Variants in THSD7B observed in about 807,000 individuals in gnomAD.
THSD7B encodes the protein thrombospondin type-1 domain-containing protein 7B.
THSD7B carries 138 observed loss-of-function variants against 213.6 expected under a neutral mutation model. The observed-to-expected ratio is 0.65, with a 90% CI of 0.56 to 0.74. THSD7B has a LOEUF of 0.74. THSD7B is among the 30% of genes least tolerant of loss of function. The pLI is 0.00. For missense variants in THSD7B, 1,931 were observed against 1,991.5 expected, an observed-to-expected ratio of 0.97 and a Z score of 0.58; for synonymous variants, 742 against 687.0, an observed-to-expected ratio of 1.08 and a Z score of -1.25.
At chr2:137,211,218 A>G (rs1371778722) in intron 7 of THSD7B, among the ~76,000 whole-genome samples, 1 of 151,776 alleles carries the variant, frequency 6.6e-6, no homozygotes, top group African/African-American at 2.4e-5. Flanking sequence ...AGTAATTTAT[A>G]GTTTAACTGT....
chr2:136,975,393 C>A (rs1685464576), intron 2 of THSD7B, among the ~76,000 whole-genome samples: 1 of 152,114 alleles, frequency 6.6e-6, no homozygotes. Context: ...TGGTTTCAAT[C>A]TTCTGCATAG....
intron 2 of THSD7B, among the ~76,000 whole-genome samples, chr2:136,889,894 CT>C (rs1304059986): frequency 1.3e-5 from 2 of 152,152 alleles, no homozygotes; most frequent in Non-Finnish European, 2.9e-5. Flanking sequence ...TTTTCCAGAA[CT>C]GCTAAACGCA....
intron 15 of THSD7B, among the ~76,000 whole-genome samples, chr2:137,456,647 G>A (rs1022539936): frequency 4.6e-5 from 7 of 152,238 alleles, no homozygotes; most frequent in East Asian, 1.9e-4. Context: ...AGCCCAAACC[G>A]ATCCATGATT....
intron 7 of THSD7B, among the ~76,000 whole-genome samples, chr2:137,176,847 C>T (rs1680367075): frequency 6.6e-6 from 1 of 152,154 alleles, no homozygotes; most frequent in African/African-American, 2.4e-5. Flanking sequence ...TACTCTTTAC[C>T]AGGCTCCTCC....
At chr2:137,347,268 G>C (rs1197660425) in intron 12 of THSD7B, among the ~76,000 whole-genome samples, 3 of 151,702 alleles carry the variant, frequency 2.0e-5, no homozygotes, top group African/African-American at 7.2e-5. Context: ...GGTTGATATA[G>C]ACAAGCTAAT....
intron 12 of THSD7B, among the ~76,000 whole-genome samples, chr2:137,298,845 C>T (rs1053726219): frequency 2.6e-5 from 4 of 152,200 alleles, no homozygotes; most frequent in South Asian, 2.1e-4. Context: ...ACTGGATGCC[C>T]AGGCAGAAGT....
At chr2:136,816,468 G>C (rs1573651727) in intron 1 of THSD7B, among the ~76,000 whole-genome samples, 1 of 152,056 alleles carries the variant, frequency 6.6e-6, no homozygotes, top group Non-Finnish European at 1.5e-5. Context: ...GATTTTAATA[G>C]CTGCATAGGG....
chr2:137,312,825 G>A (rs1683955089), intron 12 of THSD7B, among the ~76,000 whole-genome samples: 1 of 151,840 alleles, frequency 6.6e-6, no homozygotes, highest in Admixed American at 6.6e-5. Flanking sequence ...TTTTGAGTGA[G>A]ATTCTTAATC....
At chr2:137,267,350 T>C (rs144470487) in intron 10 of THSD7B, among the ~76,000 whole-genome samples, 3 of 152,300 alleles carry the variant, frequency 2.0e-5, no homozygotes, top group Non-Finnish European at 4.4e-5. Flanking sequence ...TTCATAGGCC[T>C]AATGAGGTTG....
intron 20 of THSD7B, among the ~76,000 whole-genome samples, chr2:137,636,423 C>T (rs983006279): frequency 2.6e-5 from 4 of 152,136 alleles, no homozygotes; most frequent in East Asian, 1.9e-4. Context: ...TCTCTTACAG[C>T]TATCATAAAA....
chr2:136,957,127 G>A (rs1685139974), intron 2 of THSD7B, among the ~76,000 whole-genome samples: 1 of 152,170 alleles, frequency 6.6e-6, no homozygotes, highest in African/African-American at 2.4e-5. Flanking sequence ...AGTCTCAGGG[G>A]GGAGCATGTG....
At chr2:136,790,141 GTT>G (rs767999483) in intron 1 of THSD7B, among the ~76,000 whole-genome samples, 8 of 150,144 alleles carry the variant, frequency 5.3e-5, no homozygotes, top group Non-Finnish European at 1.0e-4. Context: ...GTGTGTGTGT[GTT>G]TGTGTGTGTG....
chr2:137,200,527 C>T (rs898756484), intron 7 of THSD7B, among the ~76,000 whole-genome samples: 11 of 151,838 alleles, frequency 7.2e-5, no homozygotes, highest in Non-Finnish European at 1.5e-4. Context: ...TCATAGTATT[C>T]CCTGAATGAA....
chr2:137,587,088 A>AC (rs1681749327), intron 17 of THSD7B, among the ~76,000 whole-genome samples: 1 of 152,040 alleles, frequency 6.6e-6, no homozygotes, highest in Non-Finnish European at 1.5e-5. Flanking sequence ...CATTCATTTG[A>AC]TCTTCAATCA....
At chr2:137,062,826 A>G (rs1328837100) in intron 3 of THSD7B, among the ~76,000 whole-genome samples, 3 of 151,766 alleles carry the variant, frequency 2.0e-5, no homozygotes, top group African/African-American at 4.8e-5. Context: ...TATCCAGTTG[A>G]TTGATGGTGC....
intron 15 of THSD7B, among the ~76,000 whole-genome samples, chr2:137,466,125 A>G (rs549870069): frequency 6.6e-6 from 1 of 152,144 alleles, no homozygotes; most frequent in African/African-American, 2.4e-5. Flanking sequence ...TATGGATGAG[A>G]ATTTTGTAGC....
At chr2:137,247,405 C>A (rs1467989250) in intron 10 of THSD7B, among the ~76,000 whole-genome samples, 1 of 152,052 alleles carries the variant, frequency 6.6e-6, no homozygotes, top group African/African-American at 2.4e-5. Flanking sequence ...CACTTCCACA[C>A]CCAAAAGGAC....
intron 12 of THSD7B, among the ~76,000 whole-genome samples, chr2:137,296,365 C>T (rs1270485828): frequency 6.6e-6 from 1 of 152,108 alleles, no homozygotes; most frequent in Non-Finnish European, 1.5e-5. Context: ...TACAGTGACT[C>T]AATTTGCTAC....
intron 2 of THSD7B, among the ~76,000 whole-genome samples, chr2:136,965,944 C>G (rs994113624): frequency 3.9e-5 from 6 of 152,194 alleles, no homozygotes; most frequent in African/African-American, 1.2e-4. Flanking sequence ...CTTCTCTGCA[C>G]ATATATCCTA....
Sources: gnomAD v4.1 joint callset for allele counts (sites outside exome capture counted in the v4.1 genomes callset) on GRCh38, gnomAD v4.1.1 for gene constraint, MANE v1.5 for transcripts, NCBI Gene and HGNC (gene_info 2026-07-23, HGNC 2026-07-21) for gene names.